The following AOPEP variants were observed in gnomAD, a reference collection of about 807,000 sequenced individuals.
AOPEP encodes aminopeptidase O (putative), also known as aminopeptidase O.
A neutral mutation model predicts 98.1 loss-of-function variants in AOPEP; 77 were observed. The ratio of observed to expected loss-of-function variants is 0.78; its 90% CI spans 0.65 to 0.95. AOPEP has a LOEUF of 0.95. AOPEP is among the 40% of genes least tolerant of loss of function. AOPEP has a pLI of 0.00. For missense variants in AOPEP, 1,024 were observed against 1,024.7 expected, an observed-to-expected ratio of 1.00 and a Z score of 0.01; for synonymous variants, 346 against 365.3, an observed-to-expected ratio of 0.95 and a Z score of 0.60.
intron 11 of AOPEP, among the ~76,000 whole-genome samples, chr9:94,986,794 C>T (rs1389609560): frequency 6.6e-6 from 1 of 152,178 alleles, no homozygotes; most frequent in Non-Finnish European, 1.5e-5. Context: ...TCCTCTGGTG[C>T]CCCCAAATGA....
chr9:95,013,478 T>A (rs1293749235), intron 13 of AOPEP, among the ~76,000 whole-genome samples: 1 of 151,816 alleles, frequency 6.6e-6, no homozygotes, highest in African/African-American at 2.4e-5. Context: ...CAATATAATC[T>A]CCTCATTATT....
At chr9:94,744,915 G>C (rs1224471249) in intron 1 of AOPEP, among the ~76,000 whole-genome samples, 1 of 151,642 alleles carries the variant, frequency 6.6e-6, no homozygotes, top group Non-Finnish European at 1.5e-5. Context: ...CATTTTCATT[G>C]AGCTCTTTTT....
chr9:94,768,965 C>CA (rs1840249148), intron 2 of AOPEP, among the ~76,000 whole-genome samples: 1 of 152,246 alleles, frequency 6.6e-6, no homozygotes, highest in South Asian at 2.1e-4. Flanking sequence ...AACACAGCTG[C>CA]ATTTATTTCT....
intron 16 of AOPEP, chr9:95,082,937 G>A (rs1164454463): frequency 7.4e-6 from 4 of 540,580 alleles, no homozygotes; most frequent in Non-Finnish European, 1.3e-5. Context: ...GGCAGTCACC[G>A]GGAAGCAGAG....
At chr9:94,755,127 G>T (rs1036913497) in intron 1 of AOPEP, among the ~76,000 whole-genome samples, 5 of 151,922 alleles carry the variant, frequency 3.3e-5, no homozygotes, top group African/African-American at 1.2e-4. Flanking sequence ...CACAGCAATG[G>T]TTAGCCACTG....
At chr9:95,024,728 T>C (rs1328124007) in intron 13 of AOPEP, among the ~76,000 whole-genome samples, 1 of 152,192 alleles carries the variant, frequency 6.6e-6, no homozygotes, top group African/African-American at 2.4e-5. Flanking sequence ...CTCAAGGGAA[T>C]GGTGGGAGGG....
intron 5 of AOPEP, among the ~76,000 whole-genome samples, chr9:94,807,147 A>G (rs1290026237): frequency 1.3e-5 from 2 of 152,180 alleles, no homozygotes; most frequent in Non-Finnish European, 2.9e-5. Flanking sequence ...CCTGGATCAC[A>G]TGAGTTCTTG....
chr9:94,848,417 A>G (rs1205334707), intron 5 of AOPEP, among the ~76,000 whole-genome samples: 2 of 136,324 alleles, frequency 1.5e-5, no homozygotes, highest in East Asian at 4.4e-4. Context: ...ACACCACTGC[A>G]CTCCAGCCTG....
At chr9:95,085,855 TGAGCG>T in intron 16 of AOPEP, 1 of 1,159,596 alleles carries the variant, frequency 8.6e-7, no homozygotes, top group Middle Eastern at 3.9e-4. Context: ...CTCATGGCTG[TGAGCG>T]GGGCGGGGCG....
chr9:94,924,311 A>G (rs2054004512), intron 6 of AOPEP, 136 bp downstream of exon 6: 4 of 563,976 alleles, frequency 7.1e-6, no homozygotes, highest in South Asian at 1.3e-4. Context: ...GGCTGCATAA[A>G]TAAGAGAGGG....
intron 14 of AOPEP, among the ~76,000 whole-genome samples, chr9:95,062,858 A>T (rs1217036993): frequency 6.6e-6 from 1 of 152,202 alleles, no homozygotes; most frequent in East Asian, 1.9e-4. Context: ...ACCCAGGTGT[A>T]TGCTCTTCAT....
intron 5 of AOPEP, among the ~76,000 whole-genome samples, chr9:94,885,136 C>A (rs900987984): frequency 6.6e-6 from 1 of 151,544 alleles, no homozygotes; most frequent in Non-Finnish European, 1.5e-5. Context: ...ATCACTTGAA[C>A]CCAGGACTTA....
At chr9:94,787,478 G>A (rs146509047) in intron 3 of AOPEP, among the ~76,000 whole-genome samples, 55 of 152,306 alleles carry the variant, frequency 3.6e-4, no homozygotes, top group African/African-American at 1.2e-3. Flanking sequence ...CATGGACTAC[G>A]TGGATGGTAC....
chr9:94,992,723 G>A (rs544996346), intron 11 of AOPEP, among the ~76,000 whole-genome samples: 7 of 152,334 alleles, frequency 4.6e-5, no homozygotes, highest in East Asian at 3.9e-4. Flanking sequence ...AAGGGGAGCT[G>A]GCCTGGGTGA....
intron 3 of AOPEP, among the ~76,000 whole-genome samples, chr9:94,774,669 T>C (rs1366869208): frequency 6.6e-6 from 1 of 152,224 alleles, no homozygotes; most frequent in African/African-American, 2.4e-5. Context: ...GTTTTTTTCC[T>C]GTTATAAATA....
At chr9:95,071,089 G>T (rs1011497638) in intron 14 of AOPEP, among the ~76,000 whole-genome samples, 7 of 152,194 alleles carry the variant, frequency 4.6e-5, no homozygotes, top group Non-Finnish European at 1.0e-4. Context: ...GCAGGGAGAA[G>T]GAAAAACCCA....
At chr9:94,824,483 T>C (rs1854017398) in intron 5 of AOPEP, 1 of 152,222 alleles carries the variant, frequency 6.6e-6, no homozygotes, top group Non-Finnish European at 1.5e-5. Flanking sequence ...AAGAGAAAAT[T>C]TCTGTTCTTC....
At chr9:95,024,368 G>A (rs559025307) in intron 13 of AOPEP, among the ~76,000 whole-genome samples, 2 of 152,302 alleles carry the variant, frequency 1.3e-5, no homozygotes, top group East Asian at 3.9e-4. Flanking sequence ...CCACAAGCTC[G>A]TGAGCAGCCA....
the AOPEP span, among the ~76,000 whole-genome samples, chr9:95,115,631 G>C: frequency 6.6e-6 from 1 of 152,186 alleles, no homozygotes; most frequent in Non-Finnish European, 1.5e-5. Context: ...GTTCTGTGCA[G>C]CATCTGCAAA....
Sources: gnomAD v4.1 joint callset for allele counts (sites outside exome capture counted in the v4.1 genomes callset) on GRCh38, gnomAD v4.1.1 for gene constraint, MANE v1.5 for transcripts, NCBI Gene and HGNC (gene_info 2026-07-23, HGNC 2026-07-21) for gene names.